Variants in HYAL4 observed in about 807,000 individuals in gnomAD.
HYAL4 encodes the protein hyaluronidase 4, also known as hyaluronidase-4.
A neutral mutation model predicts 35.2 loss-of-function variants in HYAL4; 37 were observed. The ratio of observed to expected loss-of-function variants is 1.05; its 90% CI spans 0.81 to 1.38. The LOEUF (loss-of-function observed/expected upper bound fraction) is 1.38, where lower values mean the gene tolerates loss of function less well. HYAL4 is among the 40% of genes most tolerant of loss of function. The pLI is 0.00. For synonymous variants in HYAL4, 198 were observed against 203.2 expected (o/e 0.97, Z 0.22); for missense variants, 572 against 572.4 (o/e 1.00, Z 0.01).
At chr7:123,823,253 T>G in the HYAL4 span, among the ~76,000 whole-genome samples, 1 of 152,200 alleles carries the variant, frequency 6.6e-6, no homozygotes, top group Non-Finnish European at 1.5e-5. Context: ...TATATCACAT[T>G]TATTGATTTG....
At chr7:123,773,419 A>T in the HYAL4 span, among the ~76,000 whole-genome samples, 5 of 152,216 alleles carry the variant, frequency 3.3e-5, no homozygotes, top group African/African-American at 1.2e-4. Context: ...GAAGAGTAAG[A>T]TAAGAATAAA....
At chr7:123,821,270 C>T in the HYAL4 span, among the ~76,000 whole-genome samples, 1 of 152,114 alleles carries the variant, frequency 6.6e-6, no homozygotes, top group African/African-American at 2.4e-5. Flanking sequence ...TTAACATTCC[C>T]ATCAACAGGG....
At position 123,874,754 on chromosome 7, in the gene HYAL4, AATCTAGCAAG is replaced by A; in HGVS notation, c.955_964del (p.Gln319SerfsTer4). 6.4e-7 allele frequency: 1 copy of A among 1,558,518 alleles called. No homozygotes were observed. Among genetic ancestry groups the A allele is most frequent in the African/African-American group, 1.4e-5 (1 of 73,844 alleles). ...ATTAATAATGAACTCTACTGTCTTC[AATCTAGCAAG>A]ATCTAGTCAGCACCATAGGAGAAAG... On this transcript the variant is annotated splice_acceptor_variant and splice_polypyrimidine_tract_variant and coding_sequence_variant and intron_variant, in exon 4 of 5. Transcript: ENST00000223026. LOFTEE classifies it high-confidence loss of function.
In HYAL4 at chr7:123,868,535, A is replaced by G; in HGVS notation, c.262A>G (p.Thr88Ala). 1 of 1,610,214 alleles carries G rather than the reference A, an allele frequency of 6.2e-7. No individual in the cohort carries two copies. The highest frequency in any genetic ancestry group is 8.5e-7 in the Non-Finnish European group (1 of 1,179,102). ...PLAKARGQNV[T>A]IFYVNRLGYY... is the part of the protein sequence containing the mutation. ...GGCCAAGGCCAGGGGGCAAAATGTC[A>G]CTATATTTTATGTCAACAGATTGGG... The change falls in exon 3 of 5, where the codon ACT (threonine) becomes GCT (alanine). Residue 88 changes from threonine (T) to alanine (A), a missense_variant. Transcript: ENST00000223026.
chr7:123,797,588 T>C, the HYAL4 span, among the ~76,000 whole-genome samples: 1 of 152,300 alleles, frequency 6.6e-6, no homozygotes, highest in East Asian at 1.9e-4. Context: ...CAAGTAGATA[T>C]GAAAAAGGGC....
the HYAL4 span, among the ~76,000 whole-genome samples, chr7:123,820,153 A>G: frequency 6.6e-6 from 1 of 151,932 alleles, no homozygotes; most frequent in East Asian, 1.9e-4. Context: ...TCAGCCTCCT[A>G]AAGTGCTGGG....
chr7:123,794,189 A>C, the HYAL4 span, among the ~76,000 whole-genome samples: 1 of 152,204 alleles, frequency 6.6e-6, no homozygotes, highest in Non-Finnish European at 1.5e-5. Flanking sequence ...TTTGAACTTG[A>C]GAGAGATGAT....
chr7:123,876,673 G>A, intron 4 of HYAL4, 81 bp from the exon 5 acceptor site: 2 of 1,418,150 alleles, frequency 1.4e-6, no homozygotes, highest in Non-Finnish European at 1.9e-6. Flanking sequence ...ATCAGTACCA[G>A]CGAGAAACAC....
chr7:123,859,123 G>C (rs1161189597), intron 2 of HYAL4, among the ~76,000 whole-genome samples: 1 of 152,166 alleles, frequency 6.6e-6, no homozygotes, highest in Non-Finnish European at 1.5e-5. Context: ...AAAGTTATCT[G>C]ATGCTGAAGA....
chr7:123,766,182 T>A, the HYAL4 span, among the ~76,000 whole-genome samples: 3 of 152,178 alleles, frequency 2.0e-5, no homozygotes, highest in East Asian at 3.8e-4. Flanking sequence ...GACATTACGC[T>A]GGCATCTTAC....
At chr7:123,769,524 T>C in the HYAL4 span, among the ~76,000 whole-genome samples, 1 of 152,188 alleles carries the variant, frequency 6.6e-6, no homozygotes, top group East Asian at 1.9e-4. Flanking sequence ...TTAGTCATTG[T>C]GTATGAGCTG....
the HYAL4 span, among the ~76,000 whole-genome samples, chr7:123,804,833 A>G: frequency 8.1e-3 from 1,228 of 152,366 alleles, 7 homozygotes; most frequent in Middle Eastern, 0.014. Context: ...CAGTTATTTC[A>G]CAGGAAGTCC....
chr7:123,782,938 TTAAC>T, the HYAL4 span, among the ~76,000 whole-genome samples: 1 of 152,082 alleles, frequency 6.6e-6, no homozygotes, highest in African/African-American at 2.4e-5. Context: ...TGCCAGGTTT[TTAAC>T]TAACAGGTTT....
chr7:123,792,136 T>G, the HYAL4 span, among the ~76,000 whole-genome samples: 1 of 142,552 alleles, frequency 7.0e-6, no homozygotes, highest in Non-Finnish European at 1.6e-5. Flanking sequence ...GTTTCACTGA[T>G]GAGAAGAAAA....
the HYAL4 span, among the ~76,000 whole-genome samples, chr7:123,798,053 CCTGGCTT>C: frequency 1.3e-5 from 2 of 152,144 alleles, no homozygotes; most frequent in Non-Finnish European, 2.9e-5. Context: ...AAAGATGTGG[CCTGGCTT>C]CTGAAGGAAA....
At chr7:123,766,399 A>T in the HYAL4 span, among the ~76,000 whole-genome samples, 1 of 152,116 alleles carries the variant, frequency 6.6e-6, no homozygotes, top group Non-Finnish European at 1.5e-5. Context: ...ACCCAGTAAG[A>T]GATGTGGGGT....
the HYAL4 span, among the ~76,000 whole-genome samples, chr7:123,785,931 C>A: frequency 2.0e-5 from 3 of 149,134 alleles, no homozygotes; most frequent in Admixed American, 2.0e-4. This position sits in a 1 kb window ranked among gnomAD's most constrained non-coding sequence, Gnocchi z 4.5. Context: ...GCAAGCCCTT[C>A]AGTAGAAACA....
chr7:123,820,882 GTAAGT>G, the HYAL4 span, among the ~76,000 whole-genome samples: 1 of 152,028 alleles, frequency 6.6e-6, no homozygotes. Context: ...TAGATACCTC[GTAAGT>G]AGAATCATGT....
At chr7:123,795,582 C>G in the HYAL4 span, among the ~76,000 whole-genome samples, 2 of 152,104 alleles carry the variant, frequency 1.3e-5, no homozygotes, top group African/African-American at 2.4e-5. Flanking sequence ...GGCTTTCCCC[C>G]CTTTTGATCA....
Sources: allele counts gnomAD v4.1 joint callset (sites outside exome capture counted in the v4.1 genomes callset), GRCh38; gene constraint gnomAD v4.1.1; non-coding constraint Gnocchi (gnomAD v3.1); transcripts MANE v1.5; gene names NCBI Gene and HGNC (gene_info 2026-07-23, HGNC 2026-07-21).